DLC1: variants seen among roughly 807,000 people sequenced by gnomAD.
The protein encoded by DLC1 is DLC1 Rho GTPase activating protein, also known as rho GTPase-activating protein 7.
Under a neutral mutation model 140.3 loss-of-function variants are expected in DLC1, and 54 were observed. The ratio of observed to expected loss-of-function variants is 0.38; its 90% CI spans 0.31 to 0.48. DLC1 has a LOEUF of 0.48. DLC1 is among the 20% of genes least tolerant of loss of function. The pLI is 0.96. For synonymous variants in DLC1, 986 were observed against 728.1 expected, an observed-to-expected ratio of 1.35 and a Z score of -5.70; for missense variants, 2,536 against 1,907.0, an observed-to-expected ratio of 1.33 and a Z score of -6.14.
chr8:13,451,648 TTAACA>T (rs1393993168), intron 2 of DLC1, among the ~76,000 whole-genome samples: 1 of 152,188 alleles, frequency 6.6e-6, no homozygotes, highest in Non-Finnish European at 1.5e-5. Context: ...CTTATTTCAC[TTAACA>T]TAATAGCCTC....
At chr8:13,600,505 A>C (rs967236766) in intron 1 of DLC1, among the ~76,000 whole-genome samples, 2 of 151,834 alleles carry the variant, frequency 1.3e-5, no homozygotes, top group African/African-American at 4.8e-5. Flanking sequence ...GACGTTTTGC[A>C]TTTTCTGTCA....
At chr8:13,272,463 CAAAA>C (rs889518133) in intron 5 of DLC1, among the ~76,000 whole-genome samples, 2 of 151,764 alleles carry the variant, frequency 1.3e-5, no homozygotes, top group Admixed American at 1.3e-4. Flanking sequence ...AACAAACAAA[CAAAA>C]AAGACTAGTA....
rs1043708182 is a variant in DLC1, at chr8:13,441,329, G to A, written c.1024-39710C>T. Among the ~76,000 whole-genome samples the A allele has an allele frequency of 2.2e-4, 33 of 152,178 alleles. No homozygotes were observed. In the East Asian group the frequency reaches 4.8e-3, roughly 22 times the overall value. On this transcript the variant is annotated intron_variant, in intron 2 of 17. Transcript: ENST00000276297. ...AGGGATGCCCTCTCTCACCACTCCTGTTCAACATAGTGTTGGAAGTTCTGG... is the reference window on the plus strand; with the variant it reads ...AGGGATGCCCTCTCTCACCACTCCTATTCAACATAGTGTTGGAAGTTCTGG...
chr8:13,254,449 C>T (rs138109218), intron 5 of DLC1, among the ~76,000 whole-genome samples: 1 of 152,292 alleles, frequency 6.6e-6, no homozygotes, highest in East Asian at 1.9e-4. Flanking sequence ...TATTAGAATG[C>T]AGATGGAAAC....
chr8:13,112,234 A>G (rs1174092325), intron 6 of DLC1, among the ~76,000 whole-genome samples: 1 of 152,246 alleles, frequency 6.6e-6, no homozygotes, highest in African/African-American at 2.4e-5. Context: ...GGCTGTCAGC[A>G]GTTTTGGAGA....
intron 5 of DLC1, among the ~76,000 whole-genome samples, chr8:13,271,531 A>T (rs957810214): frequency 6.6e-6 from 1 of 152,234 alleles, no homozygotes; most frequent in Admixed American, 6.5e-5. Flanking sequence ...AACACTCCGC[A>T]AAATACCTCA....
intron 2 of DLC1, among the ~76,000 whole-genome samples, chr8:13,491,207 A>G (rs1161220506): frequency 6.6e-6 from 1 of 151,602 alleles, no homozygotes; most frequent in East Asian, 1.9e-4. Flanking sequence ...TGAAAATTAA[A>G]AAAGAATTTG....
At chr8:13,435,463 G>A (rs893299402) in intron 2 of DLC1, among the ~76,000 whole-genome samples, 10 of 152,194 alleles carry the variant, frequency 6.6e-5, no homozygotes, top group South Asian at 4.2e-4. Context: ...ACAGGCATGC[G>A]CCTCCACACC....
intron 4 of DLC1, among the ~76,000 whole-genome samples, chr8:13,351,730 A>G (rs1277203392): frequency 6.6e-6 from 1 of 152,214 alleles, no homozygotes. Context: ...CTGATCCTTT[A>G]TAGAAAAAGT....
rs113724640 is a variant in DLC1, at chr8:13,299,622, G to A, written c.1348+5647C>T. On this transcript the variant is annotated intron_variant, in intron 5 of 17. Transcript: ENST00000276297. The stretch of plus-strand genomic sequence containing the variant: ...TACGAGGGATTCTATGGTAGTTAAA[G>A]TTTGAGCAACCAACAAACAAAATGA... 1.4e-3 allele frequency among the ~76,000 whole-genome samples: 220 copies of A among 151,980 alleles called. 1 individual carries two copies. The highest frequency in any genetic ancestry group is 5.1e-3 in the African/African-American group (210 of 41,466).
intron 4 of DLC1, among the ~76,000 whole-genome samples, chr8:13,371,006 C>T (rs1163885563): frequency 1.3e-5 from 2 of 152,088 alleles, no homozygotes; most frequent in African/African-American, 4.8e-5. Flanking sequence ...CCCTGCCACA[C>T]CATACGAACT....
At chr8:13,266,429 C>A (rs1464772577) in intron 5 of DLC1, among the ~76,000 whole-genome samples, 2 of 152,096 alleles carry the variant, frequency 1.3e-5, no homozygotes, top group Admixed American at 6.6e-5. Flanking sequence ...ATTACTCTAT[C>A]CTGGGAAGTT....
intron 1 of DLC1, among the ~76,000 whole-genome samples, chr8:13,571,353 A>C (rs115158742): frequency 5.4e-4 from 82 of 152,258 alleles, no homozygotes; most frequent in African/African-American, 1.9e-3. Flanking sequence ...CAACCCGTTC[A>C]GCAATAACTC....
chr8:13,492,200 A>G (rs1297291807), intron 2 of DLC1, among the ~76,000 whole-genome samples: 2 of 151,004 alleles, frequency 1.3e-5, no homozygotes, highest in African/African-American at 4.9e-5. Flanking sequence ...TTCCACCTCT[A>G]GCCTGTTGGA....
intron 4 of DLC1, among the ~76,000 whole-genome samples, chr8:13,371,618 G>T (rs1292540839): frequency 6.6e-6 from 1 of 151,378 alleles, no homozygotes; most frequent in Non-Finnish European, 1.5e-5. Flanking sequence ...TATTTCCTTG[G>T]CATTCTACAT....
At chr8:13,232,436 C>G (rs112266626) in intron 5 of DLC1, among the ~76,000 whole-genome samples, 4 of 152,076 alleles carry the variant, frequency 2.6e-5, no homozygotes, top group East Asian at 1.9e-4. Flanking sequence ...CGGGTTCAAG[C>G]GATTCTCCTG....
At chr8:13,498,720 G>A (rs1296608084) in intron 2 of DLC1, 2 of 204,348 alleles carry the variant, frequency 9.8e-6, no homozygotes, top group Non-Finnish European at 2.0e-5. Context: ...TCACTCTACA[G>A]AATGCCTTGA....
intron 4 of DLC1, among the ~76,000 whole-genome samples, chr8:13,359,017 C>A (rs1267864329): frequency 6.6e-6 from 1 of 152,142 alleles, no homozygotes; most frequent in Admixed American, 6.5e-5. Flanking sequence ...AGGCTCACTG[C>A]AAGCTCCGCG....
At chr8:13,428,049 T>A (rs549040737) in intron 2 of DLC1, among the ~76,000 whole-genome samples, 1 of 152,260 alleles carries the variant, frequency 6.6e-6, no homozygotes, top group African/African-American at 2.4e-5. Context: ...AGGGCTATGA[T>A]GAAAGTTGAG....
Sources: allele counts gnomAD v4.1 joint callset (sites outside exome capture counted in the v4.1 genomes callset), GRCh38; gene constraint gnomAD v4.1.1; transcripts MANE v1.5; gene names NCBI Gene and HGNC (gene_info 2026-07-23, HGNC 2026-07-21).